The following KCNH2 variants were observed in gnomAD, a reference collection of about 807,000 sequenced individuals.
KCNH2 encodes the protein potassium voltage-gated channel subfamily H member 2, also known as voltage-gated inwardly rectifying potassium channel KCNH2.
A neutral mutation model predicts 95.9 loss-of-function variants in KCNH2; 35 were observed. The ratio of observed to expected loss-of-function variants is 0.37; its 90% CI spans 0.28 to 0.48. The LOEUF (loss-of-function observed/expected upper bound fraction) is 0.48, where lower values mean the gene tolerates loss of function less well. Ranked by LOEUF, KCNH2 falls within the 20% of genes least tolerant of loss-of-function variation. The pLI, the probability that KCNH2 is intolerant of heterozygous loss-of-function variation, is 0.99. For synonymous variants in KCNH2, 786 were observed against 754.7 expected, an observed-to-expected ratio of 1.04 and a Z score of -0.68; for missense variants, 1,274 against 1,702.9, an observed-to-expected ratio of 0.75 and a Z score of 4.43.
At chr7:150,954,711 T>C (rs992821770) in intron 5 of KCNH2, among the ~76,000 whole-genome samples, 2 of 152,150 alleles carry the variant, frequency 1.3e-5, no homozygotes, top group African/African-American at 4.8e-5. Flanking sequence ...GGGGCAGGGA[T>C]GGGATTCCCA....
rs1034765718 is a variant in KCNH2, at chr7:150,958,596, G to A, written c.473-94C>T. 7 of 1,057,412 alleles carry A rather than the reference G, an allele frequency of 6.6e-6. No individual in the cohort carries two copies. The African/African-American group carries it at 1.0e-4, about 15-fold the overall frequency. The allele number at this position is 1,057,412 out of a possible 1,614,324, so 65.5% of individuals were successfully genotyped here. Reference sequence around the variant, plus strand: ...ATGGACCCCCAGCCGCTGGGTAAGGGAAGGAGGGGAACGGGCAACCCCCCA... The same window carrying A: ...ATGGACCCCCAGCCGCTGGGTAAGGAAAGGAGGGGAACGGGCAACCCCCCA... On this transcript the variant is annotated intron_variant, in intron 3 of 14. Coordinates refer to ENST00000262186, the MANE Select transcript of KCNH2 (RefSeq NM_000238.4).
rs1230422527 is a variant in KCNH2 at position 150,962,692 on chromosome 7, A to G, written c.308-2956T>C. The stretch of plus-strand genomic sequence containing the variant: ...CCCTCTTCCTTTGTCGAGATTCAAG[A>G]AATTTTTCCTTTCAAAATAACCCTG... On this transcript the variant is annotated intron_variant, in intron 2 of 14. Coordinates refer to ENST00000262186, the MANE Select transcript of KCNH2 (RefSeq NM_000238.4). The surrounding 1 kb of genome is among the most constrained non-coding windows in gnomAD (Gnocchi z 5.7). Among the ~76,000 whole-genome samples the G allele has an allele frequency of 6.6e-6, 1 of 150,616 alleles. No individual in the cohort carries two copies. The highest frequency in any genetic ancestry group is 1.9e-4 in the East Asian group (1 of 5,164).
chr7:150,948,491 C>A lies in KCNH2; in HGVS notation c.2645G>T (p.Ser882Ile). 1 of 1,613,190 alleles carries A rather than the reference C, an allele frequency of 6.2e-7. No individual in the cohort carries two copies. Among genetic ancestry groups the A allele is most frequent in the East Asian group, 2.2e-5 (1 of 44,866 alleles). ...GGACAACTTGCGCTTGCGTTGCCGA[C>A]TGAAGCCACCCTCTAACTCCGTACT... ...PGSTELEGGF[S>I]RQRKRKLSFR... The change falls in exon 11 of 15, where the codon AGT becomes ATT. Residue 882 changes from serine (S) to isoleucine (I), a missense_variant. By Grantham distance (142) the Ser-to-Ile change is moderately radical. Transcript: ENST00000262186.
Position 150,948,437 on chromosome 7 carries a change from G to A in KCNH2, c.2692+7C>T, listed in dbSNP as rs372023163. The A allele has an allele frequency of 3.4e-5, 19 of 564,956 alleles. No individual in the cohort carries two copies. The highest frequency in any genetic ancestry group is 1.7e-4 in the African/African-American group (3 of 17,586). 35.0% of individuals were successfully genotyped at this position (564,956 alleles called of 1,614,324 possible). ...GCCCTCCCCCTTCCTCCCCTCCCCC[G>A]CCTCACCCTTGTCCGTGCGCCTGCG... On this transcript the variant is annotated splice_region_variant and intron_variant, in intron 11 of 14. Transcript: ENST00000262186.
chr7:150,964,191 A>AC (rs996503929), intron 2 of KCNH2, among the ~76,000 whole-genome samples: 4 of 152,120 alleles, frequency 2.6e-5, no homozygotes, highest in African/African-American at 9.7e-5. Context: ...GACCTTAGGC[A>AC]CCTTCTGGGG....
chr7:150,967,958 A>G (rs1024593802), intron 2 of KCNH2, among the ~76,000 whole-genome samples: 2 of 152,260 alleles, frequency 1.3e-5, no homozygotes, highest in African/African-American at 4.8e-5. Context: ...GGCGACGTCA[A>G]AATTAAAATG....
intron 9 of KCNH2, 59 bp downstream of exon 9, chr7:150,950,109 C>G: frequency 6.2e-7 from 1 of 1,611,668 alleles, no homozygotes. Context: ...TCAGAAGGCT[C>G]GCACCTCTTG....
chr7:150,973,313 G>A (rs1006033046), intron 2 of KCNH2, among the ~76,000 whole-genome samples: 4 of 152,226 alleles, frequency 2.6e-5, no homozygotes, highest in South Asian at 2.1e-4. Context: ...ACAGGGCTCC[G>A]GTCAGACAGA....
chr7:150,968,411 G>A (rs41307337), intron 2 of KCNH2, among the ~76,000 whole-genome samples: 1 of 152,184 alleles, frequency 6.6e-6, no homozygotes, highest in Non-Finnish European at 1.5e-5. Flanking sequence ...CACTGAATAC[G>A]CACCTACAGA....
At chr7:150,951,380 T>C in intron 7 of KCNH2, 68 bp downstream of exon 7, 3 of 1,594,436 alleles carry the variant, frequency 1.9e-6, no homozygotes, top group Middle Eastern at 2.1e-4. Flanking sequence ...GCTAGCAGCC[T>C]CAGTTTCCTC....
At chr7:150,968,504 C>T (rs1475295991) in intron 2 of KCNH2, among the ~76,000 whole-genome samples, 6 of 152,176 alleles carry the variant, frequency 3.9e-5, no homozygotes, top group Non-Finnish European at 5.9e-5. Context: ...ACATATAGCA[C>T]AATATCATTT....
At chr7:150,950,876 C>T (rs1257648793) in intron 8 of KCNH2, 45 bp downstream of exon 8, 1 of 1,595,376 alleles carries the variant, frequency 6.3e-7, no homozygotes, top group African/African-American at 1.3e-5. Context: ...TGCCACCCCA[C>T]TCTTCCCAGC....
rs1268921735 is a variant in KCNH2 at position 150,947,818 on chromosome 7, C to T, written c.2753G>A (p.Ser918Asn). 3.9e-6 allele frequency: 6 copies of T among 1,528,444 alleles called. No homozygotes were observed. The highest frequency in any genetic ancestry group is 3.5e-6 in the Non-Finnish European group (4 of 1,142,998). The allele number at this position is 1,528,444 out of a possible 1,614,324, so 94.7% of individuals were successfully genotyped here. Residue 918 changes from serine to asparagine, a missense_variant, in exon 12 of 15, where the codon AGT becomes AAT. Coordinates refer to ENST00000262186, the MANE Select transcript of KCNH2 (RefSeq NM_000238.4). ...LGPGRAGAGP[S>N]SRGRPGGPWG... ...CGGCCCCCCCGGCCGGCCCCGGCTA[C>T]TCGGCCCTGCCCCCGCCCGGCCCGG...
At chr7:150,956,562 G>C (rs1337432360) in intron 5 of KCNH2, among the ~76,000 whole-genome samples, 2 of 152,016 alleles carry the variant, frequency 1.3e-5, no homozygotes, top group Non-Finnish European at 2.9e-5. Context: ...TGGAGGGGTC[G>C]CAGGTCCTCT....
chr7:150,973,983 C>T (rs1031376682), intron 2 of KCNH2, among the ~76,000 whole-genome samples: 2 of 152,250 alleles, frequency 1.3e-5, no homozygotes, highest in African/African-American at 4.8e-5. Context: ...CCAGAGCCCA[C>T]CCCAACAGGG....
At chr7:150,971,123 A>G (rs1801829871) in intron 2 of KCNH2, among the ~76,000 whole-genome samples, 1 of 152,224 alleles carries the variant, frequency 6.6e-6, no homozygotes, top group South Asian at 2.1e-4. Flanking sequence ...GAAGGCAAGG[A>G]AGAAGACAGG....
intron 2 of KCNH2, among the ~76,000 whole-genome samples, chr7:150,967,818 A>G (rs1443650653): frequency 1.3e-5 from 2 of 152,270 alleles, no homozygotes; most frequent in East Asian, 1.9e-4. Flanking sequence ...TGAATGGGAG[A>G]AGATATTTGC....
chr7:150,952,347 C>T lies in KCNH2; in HGVS notation c.1557+78G>A. ...CTCTTTTTCTCTGTCCTCCTCGCCA[C>T]CCCCTCCACCCCACTACCTCCCACC... On this transcript the variant is annotated intron_variant, in intron 6 of 14. Transcript: ENST00000262186. This position sits in a 1 kb window ranked among gnomAD's most constrained non-coding sequence, Gnocchi z 7.3. The T allele has an allele frequency of 7.2e-7, 1 of 1,388,732 alleles. No homozygotes were observed. The highest frequency in any genetic ancestry group is 1.0e-6 in the Non-Finnish European group (1 of 996,096). The allele number at this position is 1,388,732 out of a possible 1,614,324, so 86.0% of individuals were successfully genotyped here.
At position 150,952,803 on chromosome 7, in the gene KCNH2, C is replaced by T. The variant is rs200020952; in HGVS notation, c.1179G>A (p.Pro393=). ...DVLPEYKLQA[P]RIHRWTILHY... is the part of the protein sequence containing the mutation. The stretch of plus-strand genomic sequence containing the variant: ...GCAGGATGGTCCAGCGGTGGATGCG[C>T]GGTGCCTGCAGCTTGTACTCAGGCA... The change falls in exon 6 of 15, where the codon CCG becomes CCA. Residue 393 remains proline (P), a synonymous_variant. Coordinates refer to ENST00000262186, the MANE Select transcript of KCNH2 (RefSeq NM_000238.4). This position sits in a 1 kb window ranked among gnomAD's most constrained non-coding sequence, Gnocchi z 7.3. 1.9e-5 allele frequency: 30 copies of T among 1,614,020 alleles called. No homozygotes were observed. The highest frequency in any genetic ancestry group is 2.2e-5 in the East Asian group (1 of 44,872).
Sources: allele counts gnomAD v4.1 joint callset (sites outside exome capture counted in the v4.1 genomes callset), GRCh38; gene constraint gnomAD v4.1.1; non-coding constraint Gnocchi (gnomAD v3.1); transcripts MANE v1.5; gene names NCBI Gene and HGNC (gene_info 2026-07-23, HGNC 2026-07-21).